The following CECR2 variants were observed in gnomAD, a reference collection of about 807,000 sequenced individuals.
CECR2 encodes the protein chromatin remodeling regulator CECR2.
A neutral mutation model predicts 154.5 loss-of-function variants in CECR2; 30 were observed. That is an observed-to-expected ratio of 0.19 (90% confidence interval 0.15 to 0.26). The LOEUF is 0.26. Ranked by LOEUF, CECR2 falls within the 10% of genes least tolerant of loss-of-function variation. The probability of loss-of-function intolerance (pLI) is 1.00; values close to 1 mark genes in which losing one functional copy is unlikely to be tolerated. For missense variants in CECR2, 1,743 were observed against 1,829.3 expected (o/e 0.95, Z 0.86); for synonymous variants, 725 against 683.7 (o/e 1.06, Z -0.94).
At chr22:17,458,414 C>CAA (rs1421816705) in intron 1 of CECR2, among the ~76,000 whole-genome samples, 24 of 97,524 alleles carry the variant, frequency 2.5e-4, no homozygotes, top group East Asian at 8.7e-4. Flanking sequence ...TCTCTGTCTC[C>CAA]AAAAAAAAAA....
Position 17,548,326 on chromosome 22 carries a change from G to A in CECR2, c.3039G>A (p.Ala1013=), listed in dbSNP as rs375247052. 32 of 1,611,288 alleles carry A rather than the reference G, an allele frequency of 2.0e-5. No individual in the cohort carries two copies. Among genetic ancestry groups the A allele is most frequent in the African/African-American group, 1.3e-4 (10 of 74,824 alleles). Residue 1013 remains alanine, a synonymous_variant, in exon 17 of 19, where the codon GCG becomes GCA. Transcript: ENST00000262608. ...TCAAAAGCAGCTCCTCCGAATCTGCGGACAACTGTAAAGCAATGAAGGGCA... is the reference window on the plus strand; with the variant it reads ...TCAAAAGCAGCTCCTCCGAATCTGCAGACAACTGTAAAGCAATGAAGGGCA... The part of the protein sequence containing the change: ...PELKSSSSES[A]DNCKAMKGKN...
rs888975902 is a variant in CECR2, at chr22:17,446,446, G to A, written c.127-31142G>A. On this transcript the variant is annotated intron_variant, in intron 1 of 18. Transcript: ENST00000262608. ...AAGGTGGTGTGGACCCCCAGGGCGC[G>A]GTGGCTCTTGCCTGTAATCCCAGCA... Among the ~76,000 whole-genome samples the A allele has an allele frequency of 7.2e-5, 11 of 152,152 alleles. No homozygotes were observed. The South Asian group carries it at 1.0e-3, about 14-fold the overall frequency.
intron 1 of CECR2, among the ~76,000 whole-genome samples, chr22:17,436,807 GTAAT>G (rs977137902): frequency 7.2e-5 from 11 of 152,210 alleles, no homozygotes; most frequent in South Asian, 2.1e-4. Flanking sequence ...TTGTTTCAGG[GTAAT>G]TAATGTTTCC....
intron 7 of CECR2, among the ~76,000 whole-genome samples, chr22:17,509,920 T>C (rs1261040782): frequency 6.6e-6 from 1 of 152,178 alleles, no homozygotes; most frequent in Admixed American, 6.5e-5. Flanking sequence ...CTCTAAACTT[T>C]GAAATAATTA....
At chr22:17,361,833 C>G (rs1200791564) in intron 1 of CECR2, among the ~76,000 whole-genome samples, 1 of 151,694 alleles carries the variant, frequency 6.6e-6, no homozygotes, top group Non-Finnish European at 1.5e-5. Flanking sequence ...ATTCCACAAG[C>G]ATTTATTATG....
intron 9 of CECR2, among the ~76,000 whole-genome samples, chr22:17,529,222 GCAGGAAGTC>G (rs1327372713): frequency 2.6e-5 from 4 of 152,214 alleles, no homozygotes; most frequent in African/African-American, 4.8e-5. Flanking sequence ...GGGATATGCA[GCAGGAAGTC>G]CAGGGCGAGG....
chr22:17,475,992 T>G (rs534210690), intron 1 of CECR2, among the ~76,000 whole-genome samples: 50 of 151,432 alleles, frequency 3.3e-4, no homozygotes, highest in South Asian at 2.5e-3. Flanking sequence ...CTGAGGTAGA[T>G]CTCCATTGTC....
chr22:17,442,413 T>C (rs11703029), intron 1 of CECR2, among the ~76,000 whole-genome samples: 20,351 of 152,108 alleles, frequency 0.13, 1,862 homozygotes, highest in Non-Finnish European at 0.2. Flanking sequence ...CAAATACATA[T>C]ATATTTTTAA....
At chr22:17,507,575 C>G (rs999600769) in intron 7 of CECR2, among the ~76,000 whole-genome samples, 2 of 150,980 alleles carry the variant, frequency 1.3e-5, no homozygotes, top group Admixed American at 6.6e-5. Flanking sequence ...TATATTCAGC[C>G]TAACATTTTG....
At chr22:17,441,368 C>T (rs930901462) in intron 1 of CECR2, among the ~76,000 whole-genome samples, 5 of 152,138 alleles carry the variant, frequency 3.3e-5, no homozygotes, top group African/African-American at 1.2e-4. Context: ...TATGATGGAA[C>T]GCACAGCTGT....
intron 1 of CECR2, among the ~76,000 whole-genome samples, chr22:17,402,756 T>TC (rs2053915609): frequency 7.0e-5 from 2 of 28,656 alleles, no homozygotes; most frequent in East Asian, 4.4e-4. Flanking sequence ...CTTTTCTTCT[T>TC]TTTTTTTTTT....
chr22:17,402,473 A>G (rs943139590), intron 1 of CECR2, among the ~76,000 whole-genome samples: 1 of 152,220 alleles, frequency 6.6e-6, no homozygotes, highest in Non-Finnish European at 1.5e-5. Context: ...GATGTAGGGC[A>G]GAGGCTGCCA....
chr22:17,407,988 G>A (rs1209970307), intron 1 of CECR2, among the ~76,000 whole-genome samples: 1 of 152,196 alleles, frequency 6.6e-6, no homozygotes, highest in Non-Finnish European at 1.5e-5. Flanking sequence ...CTTGTCATCA[G>A]TTGTTGGTGA....
intron 8 of CECR2, among the ~76,000 whole-genome samples, chr22:17,518,166 AAG>A (rs2056092789): frequency 1.3e-5 from 2 of 152,158 alleles, no homozygotes; most frequent in Non-Finnish European, 2.9e-5. Flanking sequence ...TTTTCCAGCA[AAG>A]AGAGTTTATT....
chr22:17,446,561 C>G (rs2054666654), intron 1 of CECR2, among the ~76,000 whole-genome samples: 1 of 151,912 alleles, frequency 6.6e-6, no homozygotes, highest in Middle Eastern at 3.4e-3. Context: ...ACTAAAAATA[C>G]AAAAAATTAG....
chr22:17,540,893 C>T (rs999067720), intron 14 of CECR2, 93 bp downstream of exon 14: 2 of 1,314,668 alleles, frequency 1.5e-6, no homozygotes, highest in Admixed American at 2.8e-5. Context: ...CTGCAAAATA[C>T]TTACGTGTAT....
chr22:17,397,652 C>A lies in CECR2; in HGVS notation c.126+27743C>A, dbSNP rs192802847. 4.5e-3 allele frequency among the ~76,000 whole-genome samples: 679 copies of A among 152,156 alleles called. 5 individuals are homozygous for A. The highest frequency in any genetic ancestry group is 6.7e-3 in the Non-Finnish European group (454 of 68,008). On this transcript the variant is annotated intron_variant, in intron 1 of 18. Coordinates refer to ENST00000262608, the MANE Select transcript of CECR2 (RefSeq NM_001290047.2). ...AGCTGGAACTACAGGCGCCCGCCAC[C>A]ACGCTCGGCTAATTTTTTGTACTTT...
At chr22:17,412,150 A>C (rs1224000323) in intron 1 of CECR2, among the ~76,000 whole-genome samples, 3 of 152,192 alleles carry the variant, frequency 2.0e-5, no homozygotes, top group Non-Finnish European at 4.4e-5. Flanking sequence ...TAATATTCTC[A>C]AAACTTGCCT....
chr22:17,397,378 C>T (rs539151033), intron 1 of CECR2, among the ~76,000 whole-genome samples: 62 of 152,290 alleles, frequency 4.1e-4, no homozygotes, highest in African/African-American at 1.4e-3. Context: ...GTGATCCACC[C>T]GCCTTCGCCT....
Sources: allele counts gnomAD v4.1 joint callset (sites outside exome capture counted in the v4.1 genomes callset), GRCh38; gene constraint gnomAD v4.1.1; transcripts MANE v1.5; gene names NCBI Gene and HGNC (gene_info 2026-07-23, HGNC 2026-07-21).